The following LMO7 variants were observed in gnomAD, a reference collection of about 807,000 sequenced individuals.
LMO7 encodes LIM domain 7.
In LMO7, 120 loss-of-function variants were observed where a neutral mutation model predicts 206.5. The observed-to-expected ratio is 0.58, with a 90% CI of 0.50 to 0.68. The LOEUF (loss-of-function observed/expected upper bound fraction) is 0.68. Ranked by LOEUF, LMO7 falls within the 30% of genes least tolerant of loss-of-function variation. The pLI is 0.00. For missense variants in LMO7, 1,959 were observed against 1,957.9 expected, an observed-to-expected ratio of 1.00 and a Z score of -0.01; for synonymous variants, 706 against 681.5, an observed-to-expected ratio of 1.04 and a Z score of -0.56.
chr13:75,736,940 T>A (rs558551707), intron 3 of LMO7, among the ~76,000 whole-genome samples: 3 of 152,166 alleles, frequency 2.0e-5, no homozygotes, highest in African/African-American at 7.2e-5. Flanking sequence ...AGATTTCCAT[T>A]GTGAAAAATA....
chr13:75,713,394 T>C (rs992070103), intron 2 of LMO7, 142 bp downstream of exon 2: 14 of 526,790 alleles, frequency 2.7e-5, no homozygotes, highest in Non-Finnish European at 2.0e-5. Context: ...TCCCTGCAAA[T>C]TGATACCTCA....
At chr13:75,632,224 A>G (rs773110980), upstream of LMO7, 9 of 152,230 alleles carry the variant, frequency 5.9e-5, no homozygotes, top group Non-Finnish European at 1.2e-4. Flanking sequence ...AGGGTAAAAC[A>G]TTCTAATGAC....
chr13:75,698,306 T>A (rs201416540), intron 1 of LMO7, among the ~76,000 whole-genome samples: 2 of 149,880 alleles, frequency 1.3e-5, no homozygotes, highest in Non-Finnish European at 3.0e-5. Context: ...TATAATATAC[T>A]TATATATTTT....
chr13:75,834,647 T>G (rs2058972150), intron 17 of LMO7, among the ~76,000 whole-genome samples: 1 of 152,180 alleles, frequency 6.6e-6, no homozygotes, highest in South Asian at 2.1e-4. Flanking sequence ...AAATACCAAC[T>G]GAAGACAAAT....
At chr13:75,726,422 C>G (rs575761671) in intron 2 of LMO7, among the ~76,000 whole-genome samples, 4 of 151,860 alleles carry the variant, frequency 2.6e-5, no homozygotes, top group African/African-American at 7.3e-5. Context: ...ATACTAGATT[C>G]TGAGGTAACT....
Position 75,626,595 on chromosome 13 carries a change from A to ATTTTTTTTTTTTTTTTTTTT in LMO7, c.225+3282_225+3283insTTTTTTTTTTTTTTTTTTTT, listed in dbSNP as rs1240937141. Among the ~76,000 whole-genome samples, 25 of 71,170 alleles carry ATTTTTTTTTTTTTTTTTTTT rather than the reference A, an allele frequency of 3.5e-4. 1 individual carries two copies. The highest frequency in any genetic ancestry group is 7.4e-3 in the Middle Eastern group (1 of 136). 46.7% of individuals were successfully genotyped at this position (71,170 alleles called of 152,430 possible). On this transcript the variant is annotated intron_variant, in intron 2 of 29. Transcript: ENST00000341547. ...ATATATATTATATATATATATATAAATTTTTTTGAGACAGGGTCTCACTCT... is the reference window on the plus strand; with the variant it reads ...ATATATATTATATATATATATATAAATTTTTTTTTTTTTTTTTTTTTTTTTTTGAGACAGGGTCTCACTCT...
intron 1 of LMO7, among the ~76,000 whole-genome samples, chr13:75,642,978 C>A (rs1460500758): frequency 2.6e-5 from 4 of 152,190 alleles, no homozygotes; most frequent in African/African-American, 9.7e-5. Context: ...AATGAAGTCA[C>A]AATTGGCCCT....
intron 5 of LMO7, among the ~76,000 whole-genome samples, chr13:75,796,079 T>C (rs550597892): frequency 6.6e-6 from 1 of 152,342 alleles, no homozygotes; most frequent in East Asian, 1.9e-4. Flanking sequence ...AGTAAACACA[T>C]TTTAAGATTT....
At chr13:75,801,617 G>A (rs146142680) in intron 7 of LMO7, among the ~76,000 whole-genome samples, 124 of 152,212 alleles carry the variant, frequency 8.1e-4, no homozygotes, top group African/African-American at 2.8e-3. Flanking sequence ...TGGGTATAGC[G>A]TCAGCAATTT....
intron 29 of LMO7, among the ~76,000 whole-genome samples, chr13:75,855,932 T>C (rs2060894473): frequency 6.6e-6 from 1 of 152,238 alleles, no homozygotes; most frequent in African/African-American, 2.4e-5. Context: ...AGAAAGATTC[T>C]GGTTGTTGAT....
chr13:75,848,871 A>G (rs142615216), intron 26 of LMO7: 1 of 507,466 alleles, frequency 2.0e-6, no homozygotes, highest in East Asian at 3.4e-5. Context: ...TTACATTCCC[A>G]CCAGCAGCGT....
At chr13:75,827,867 A>G (rs2058276515) in intron 15 of LMO7, among the ~76,000 whole-genome samples, 1 of 152,156 alleles carries the variant, frequency 6.6e-6, no homozygotes, top group Non-Finnish European at 1.5e-5. Context: ...CTGCATGTCC[A>G]TTTCCTGATC....
At chr13:75,772,700 A>G (rs1484516479) in intron 4 of LMO7, among the ~76,000 whole-genome samples, 1 of 152,164 alleles carries the variant, frequency 6.6e-6, no homozygotes, top group Non-Finnish European at 1.5e-5. Context: ...ACAAAAGAAA[A>G]ACATGTTAAT....
chr13:75,826,702 T>C (rs2058143754), intron 15 of LMO7, among the ~76,000 whole-genome samples: 1 of 152,140 alleles, frequency 6.6e-6, no homozygotes, highest in South Asian at 2.1e-4. Flanking sequence ...ACTATCATGA[T>C]TATACCTGTT....
At chr13:75,804,597 GT>G in intron 8 of LMO7, 56 bp downstream of exon 8, 1 of 1,545,650 alleles carries the variant, frequency 6.5e-7, no homozygotes, top group Non-Finnish European at 8.8e-7. Flanking sequence ...ATGGTAGGAT[GT>G]TAAATGTGGT....
At chr13:75,725,119 G>C (rs1285706828) in intron 2 of LMO7, among the ~76,000 whole-genome samples, 1 of 152,024 alleles carries the variant, frequency 6.6e-6, no homozygotes, top group East Asian at 1.9e-4. Context: ...ATTGAGAGTA[G>C]GTTGTGCTAT....
intron 4 of LMO7, among the ~76,000 whole-genome samples, chr13:75,782,473 G>C (rs1400370828): frequency 6.6e-6 from 1 of 152,190 alleles, no homozygotes; most frequent in Non-Finnish European, 1.5e-5. Context: ...GAACTGCATT[G>C]GTGATAAAAT....
At chr13:75,633,841 C>CTTTTTTTTTTT (rs60769000), upstream of LMO7, among the ~76,000 whole-genome samples, 2 of 64,672 alleles carry the variant, frequency 3.1e-5, no homozygotes, top group Non-Finnish European at 5.5e-5. Context: ...GTGTCTTTTC[C>CTTTTTTTTTTT]TTTTTTTTTT....
chr13:75,771,773 A>G (rs929538365), intron 4 of LMO7, among the ~76,000 whole-genome samples: 1 of 152,078 alleles, frequency 6.6e-6, no homozygotes, highest in Non-Finnish European at 1.5e-5. Context: ...ATGATTACAT[A>G]TTAAATTTTA....
Sources: allele counts gnomAD v4.1 joint callset (sites outside exome capture counted in the v4.1 genomes callset), GRCh38; gene constraint gnomAD v4.1.1; transcripts MANE v1.5; gene names NCBI Gene and HGNC (gene_info 2026-07-23, HGNC 2026-07-21).